The following IGF1R variants were observed in gnomAD, a reference collection of about 807,000 sequenced individuals.
IGF1R encodes the protein insulin like growth factor 1 receptor.
IGF1R carries 44 observed loss-of-function variants against 144.6 expected under a neutral mutation model. That is an observed-to-expected ratio of 0.30 (90% CI 0.24 to 0.39). The LOEUF (loss-of-function observed/expected upper bound fraction) is 0.39, where lower values mean the gene tolerates loss of function less well. IGF1R is among the 10% of genes least tolerant of loss of function. IGF1R has a pLI of 1.00. For missense variants in IGF1R, 1,355 were observed against 1,833.7 expected (o/e 0.74, Z 4.77); for synonymous variants, 795 against 722.8 (o/e 1.10, Z -1.60).
chr15:98,857,661 G>C (rs994174360), intron 2 of IGF1R, among the ~76,000 whole-genome samples: 1 of 152,228 alleles, frequency 6.6e-6, no homozygotes, highest in South Asian at 2.1e-4. Flanking sequence ...AGCCACATGT[G>C]GCTATGGAGC....
At chr15:98,791,794 C>G (rs1317969550) in intron 2 of IGF1R, among the ~76,000 whole-genome samples, 2 of 152,172 alleles carry the variant, frequency 1.3e-5, no homozygotes, top group Non-Finnish European at 2.9e-5. Flanking sequence ...CATGGCAATT[C>G]TGTACAAATG....
At chr15:98,736,748 A>G (rs150986033) in intron 2 of IGF1R, among the ~76,000 whole-genome samples, 2,346 of 151,356 alleles carry the variant, frequency 0.015, 33 homozygotes, top group Non-Finnish European at 0.024. Context: ...ATTAGCTGGG[A>G]TTACAGGCAT....
rs45627636 is a variant in IGF1R at position 98,922,415 on chromosome 15, A to G, written c.2469A>G (p.Ala823=). ...LGCSASNFVF[A]RTMPAEGADD... ...GCAGCGCCTCCAACTTCGTCTTTGCAAGGACTATGCCCGCAGGTATGGTAT... is the reference window on the plus strand; with the variant it reads ...GCAGCGCCTCCAACTTCGTCTTTGCGAGGACTATGCCCGCAGGTATGGTAT... The change falls in exon 11 of 21, where the codon GCA becomes GCG. Residue 823 remains alanine, a synonymous_variant. Coordinates refer to ENST00000650285, the MANE Select transcript of IGF1R (RefSeq NM_000875.5). 6 of 1,611,998 alleles carry G rather than the reference A, an allele frequency of 3.7e-6. No homozygotes were observed. In the South Asian group the frequency reaches 6.6e-5, roughly 18 times the overall value.
chr15:98,908,687 A>G lies in IGF1R; in HGVS notation c.1250A>G (p.Asn417Ser). ...LILGEEQLEG[N>S]YSFYVLDNQN... The stretch of plus-strand genomic sequence containing the variant: ...AACATCGATTTCTGTGCTTCTAGGA[A>G]TTACTCCTTCTACGTCCTCGACAAC... The change falls in exon 6 of 21, where the codon AAT becomes AGT. Residue 417 changes from asparagine (N) to serine (S), a missense_variant and splice_region_variant. Transcript: ENST00000650285. The G allele has an allele frequency of 6.2e-7, 1 of 1,613,660 alleles. No individual in the cohort carries two copies. Among genetic ancestry groups the G allele is most frequent in the East Asian group, 2.2e-5 (1 of 44,876 alleles).
intron 2 of IGF1R, among the ~76,000 whole-genome samples, chr15:98,745,505 C>G (rs913601126): frequency 6.6e-6 from 1 of 152,164 alleles, no homozygotes; most frequent in African/African-American, 2.4e-5. Flanking sequence ...TTGCCTCTCA[C>G]TTGAAATAAG....
intron 2 of IGF1R, among the ~76,000 whole-genome samples, chr15:98,819,243 A>T (rs1303450662): frequency 3.9e-5 from 6 of 152,130 alleles, no homozygotes; most frequent in Non-Finnish European, 7.4e-5. Flanking sequence ...AAATGAAATC[A>T]TCCAGGGGTT....
intron 2 of IGF1R, among the ~76,000 whole-genome samples, chr15:98,728,046 G>T (rs2054407833): frequency 7.7e-6 from 1 of 130,208 alleles, no homozygotes; most frequent in Non-Finnish European, 1.6e-5. Context: ...GCAGCAGCAA[G>T]ATTTATTGTG....
rs530447246 is a variant in IGF1R at position 98,964,226 on chromosome 15, GAAAA to G, written c.*6790_*6793del. On this transcript the variant is annotated 3_prime_UTR_variant, in exon 21 of 21. Coordinates refer to ENST00000650285, the MANE Select transcript of IGF1R (RefSeq NM_000875.5). ...GTTAAAAAAAAATTTTTTTAAGTAA[GAAAA>G]AAAAAGGTAATAACATGGCCAATTT... 4 of 225,980 alleles carry G rather than the reference GAAAA, an allele frequency of 1.8e-5. No individual in the cohort carries two copies. The highest frequency in any genetic ancestry group is 9.1e-5 in the African/African-American group (4 of 43,836). 14.0% of individuals were successfully genotyped at this position (225,980 alleles called of 1,614,324 possible). A position where few individuals can be genotyped will look rare whatever the true frequency, so the allele number is the denominator to read the frequency against.
chr15:98,958,263 T>TG lies in IGF1R; in HGVS notation c.*825dup, dbSNP rs1488898641. 8.7e-6 allele frequency: 2 copies of TG among 231,132 alleles called. No individual in the cohort carries two copies. 14.3% of individuals were successfully genotyped at this position (231,132 alleles called of 1,614,324 possible). A position where few individuals can be genotyped will look rare whatever the true frequency, so the allele number is the denominator to read the frequency against. On this transcript the variant is annotated 3_prime_UTR_variant, in exon 21 of 21. Coordinates refer to ENST00000650285, the MANE Select transcript of IGF1R (RefSeq NM_000875.5). Reference sequence around the variant, plus strand: ...CAATAGGTCTTTCTCTCAGTGAAGGTGGGGAGAAGCTGAACCGGCTTCCCT... The same window carrying TG: ...CAATAGGTCTTTCTCTCAGTGAAGGTGGGGGAGAAGCTGAACCGGCTTCCCT...
rs933632341 is a variant in IGF1R at position 98,916,500 on chromosome 15, G to A, written c.1997-172G>A. The A allele has an allele frequency of 1.2e-4, 80 of 685,444 alleles. No homozygotes were observed. In the Admixed American group the frequency reaches 1.4e-3, roughly 12 times the overall value. 42.5% of individuals were successfully genotyped at this position (685,444 alleles called of 1,614,324 possible). A position where few individuals can be genotyped will look rare whatever the true frequency, so the allele number is the denominator to read the frequency against. ...TGGTCTGAAACTCCTAACCTCAGGT[G>A]ATTTGCCCGCCTCGGCCTCCCAAAG... On this transcript the variant is annotated intron_variant, in intron 9 of 20. Transcript: ENST00000650285.
At chr15:98,663,312 C>T (rs778446583) in intron 1 of IGF1R, among the ~76,000 whole-genome samples, 1 of 152,048 alleles carries the variant, frequency 6.6e-6, no homozygotes, top group Non-Finnish European at 1.5e-5. Flanking sequence ...GGGCAGCTCC[C>T]GAGGAGACAC....
intron 13 of IGF1R, among the ~76,000 whole-genome samples, chr15:98,927,891 C>G (rs537241223): frequency 2.5e-3 from 378 of 152,304 alleles, no homozygotes; most frequent in Non-Finnish European, 4.4e-3. Context: ...TCCACATAGA[C>G]ATCTGTATTT....
intron 13 of IGF1R, among the ~76,000 whole-genome samples, chr15:98,926,932 T>A (rs1046654092): frequency 6.6e-6 from 1 of 152,202 alleles, no homozygotes; most frequent in Non-Finnish European, 1.5e-5. Flanking sequence ...GCTTGCTTGC[T>A]TTCTATCTTT....
chr15:98,916,911 C>T, intron 10 of IGF1R, 35 bp downstream of exon 10: 1 of 1,584,206 alleles, frequency 6.3e-7, no homozygotes, highest in Non-Finnish European at 8.7e-7. Flanking sequence ...GTTGGCAAAA[C>T]CCACTGCTCA....
Position 98,956,917 on chromosome 15 carries a change from C to T in IGF1R, c.3723-144C>T, listed in dbSNP as rs562849043. 3.2e-5 allele frequency: 29 copies of T among 916,022 alleles called. No homozygotes were observed. The East Asian group carries it at 6.9e-4, about 22-fold the overall frequency. The allele number at this position is 916,022 out of a possible 1,614,324, so 56.7% of individuals were successfully genotyped here. A position where few individuals can be genotyped will look rare whatever the true frequency, so the allele number is the denominator to read the frequency against. ...CCACTTGGCCATCCAGGCAGAAAGC[C>T]AGGGATGGAGAGGGGCAGCAGGGCT... On this transcript the variant is annotated intron_variant, in intron 20 of 20. Coordinates refer to ENST00000650285, the MANE Select transcript of IGF1R (RefSeq NM_000875.5).
At chr15:98,936,129 C>G (rs1228949021) in intron 17 of IGF1R, among the ~76,000 whole-genome samples, 4 of 152,206 alleles carry the variant, frequency 2.6e-5, no homozygotes, top group Admixed American at 2.6e-4. Context: ...GTCTTTGCCA[C>G]TGGGAATCTG....
intron 1 of IGF1R, among the ~76,000 whole-genome samples, chr15:98,693,595 C>T (rs527348721): frequency 4.6e-5 from 7 of 152,236 alleles, no homozygotes; most frequent in East Asian, 1.9e-4. Flanking sequence ...GTTCCCTGAT[C>T]GAATGACCTC....
intron 2 of IGF1R, among the ~76,000 whole-genome samples, chr15:98,731,362 A>C (rs888836467): frequency 6.6e-6 from 1 of 152,170 alleles, no homozygotes; most frequent in African/African-American, 2.4e-5. Context: ...TAAATCATCT[A>C]TCCATGTAAT....
chr15:98,699,729 A>G (rs1288444471), intron 1 of IGF1R, among the ~76,000 whole-genome samples: 1 of 152,154 alleles, frequency 6.6e-6, no homozygotes, highest in East Asian at 1.9e-4. Flanking sequence ...TGCTGTATGT[A>G]GCACTCTGGT....
Sources: allele counts gnomAD v4.1 joint callset (sites outside exome capture counted in the v4.1 genomes callset), GRCh38; gene constraint gnomAD v4.1.1; transcripts MANE v1.5; gene names NCBI Gene and HGNC (gene_info 2026-07-23, HGNC 2026-07-21).